Variants in ANKRD27 observed in about 807,000 individuals in gnomAD.
ANKRD27 encodes ankyrin repeat domain-containing protein 27.
Under a neutral mutation model 129.7 loss-of-function variants are expected in ANKRD27, and 112 were observed. The observed-to-expected ratio is 0.86, with a 90% CI of 0.74 to 1.01. The LOEUF (loss-of-function observed/expected upper bound fraction) is 1.01, where lower values mean the gene tolerates loss of function less well. Ranked by LOEUF, ANKRD27 falls within the 50% of genes least tolerant of loss-of-function variation. The pLI is 0.00. For missense variants in ANKRD27, 1,258 were observed against 1,300.5 expected (o/e 0.97, Z 0.50); for synonymous variants, 516 against 511.2 (o/e 1.01, Z -0.13).
chr19:32,640,179 G>A (rs1967169719), intron 11 of ANKRD27, 128 bp downstream of exon 11: 2 of 603,490 alleles, frequency 3.3e-6, no homozygotes, highest in Non-Finnish European at 6.1e-6. Context: ...TAGCCAGGAT[G>A]GTCTCGATCT....
chr19:32,631,206 C>T (rs935476627), intron 13 of ANKRD27, among the ~76,000 whole-genome samples, 196 bp downstream of exon 13: 7 of 151,918 alleles, frequency 4.6e-5, no homozygotes, highest in South Asian at 2.1e-4. Context: ...TTAGTAGAGG[C>T]GGCTGTTGCA....
chr19:32,622,834 G>C (rs1409202622), intron 17 of ANKRD27, among the ~76,000 whole-genome samples: 1 of 151,764 alleles, frequency 6.6e-6, no homozygotes. Flanking sequence ...TTGCAGTGCA[G>C]TGATGCAATA....
chr19:32,615,235 C>T (rs980606619), intron 22 of ANKRD27, among the ~76,000 whole-genome samples: 2 of 152,220 alleles, frequency 1.3e-5, no homozygotes, highest in African/African-American at 4.8e-5. Flanking sequence ...TATTCACAGA[C>T]ATGCAGTACA....
intron 17 of ANKRD27, among the ~76,000 whole-genome samples, chr19:32,624,747 C>T (rs1030592060): frequency 6.6e-5 from 10 of 151,886 alleles, no homozygotes; most frequent in Non-Finnish European, 1.5e-5. Context: ...GTAAGACCAG[C>T]CTGGGCAACA....
At chr19:32,649,257 G>A (rs1200516443) in intron 3 of ANKRD27, among the ~76,000 whole-genome samples, 4 of 152,108 alleles carry the variant, frequency 2.6e-5, no homozygotes, top group African/African-American at 4.8e-5. Context: ...ATAGGCGTAG[G>A]CCACCATGTC....
At position 32,640,384 on chromosome 19, in the gene ANKRD27, C is replaced by T. The variant is rs759251387; in HGVS notation, c.906G>A (p.Val302=). Residue 302 remains valine, a splice_region_variant and synonymous_variant, in exon 11 of 29, where the codon GTG becomes GTA. Transcript: ENST00000306065. ...QLITQSPSQR[V]NLETMCADDL... ...CATCAGCACACATGGTCTCCAGGTT[C>T]ACTGCAAAGGGGAAACACACATTCA... 2 of 1,613,740 alleles carry T rather than the reference C, an allele frequency of 1.2e-6. No homozygotes were observed. Among genetic ancestry groups the T allele is most frequent in the Admixed American group, 3.3e-5 (2 of 60,012 alleles).
chr19:32,638,987 G>A (rs879079769), intron 12 of ANKRD27: 5 of 367,816 alleles, frequency 1.4e-5, no homozygotes, highest in Non-Finnish European at 2.4e-5. Context: ...CAGCCACAGA[G>A]GTTTCCGGCT....
At chr19:32,600,490 G>A (rs1971635666) in intron 26 of ANKRD27, among the ~76,000 whole-genome samples, 2 of 152,076 alleles carry the variant, frequency 1.3e-5, no homozygotes, top group South Asian at 2.1e-4. Context: ...GCAGTGAGCC[G>A]AGATTGCACC....
rs1375061260 is a variant in ANKRD27 at position 32,616,004 on chromosome 19, G to A, written c.2053-224C>T. 2.0e-5 allele frequency among the ~76,000 whole-genome samples: 3 copies of A among 152,114 alleles called. No individual in the cohort carries two copies. In the East Asian group the frequency reaches 5.8e-4, roughly 29 times the overall value. ...TTTCTTCTATCATAAAAAAGGACAGGAAGATTGGTGCTGCCTCAGGGTGAT... is the reference window on the plus strand; with the variant it reads ...TTTCTTCTATCATAAAAAAGGACAGAAAGATTGGTGCTGCCTCAGGGTGAT... On this transcript the variant is annotated intron_variant, in intron 21 of 28. Coordinates refer to ENST00000306065, the MANE Select transcript of ANKRD27 (RefSeq NM_032139.3).
intron 24 of ANKRD27, among the ~76,000 whole-genome samples, chr19:32,604,700 T>C (rs1971705677): frequency 6.6e-6 from 1 of 152,176 alleles, no homozygotes; most frequent in African/African-American, 2.4e-5. Context: ...TCCATAGTTA[T>C]GCAACCATTA....
Position 32,615,754 on chromosome 19 carries a change from C to T in ANKRD27, c.2079G>A (p.Glu693=). Residue 693 remains glutamate, a synonymous_variant, in exon 22 of 29, where the codon GAG becomes GAA. Coordinates refer to ENST00000306065, the MANE Select transcript of ANKRD27 (RefSeq NM_032139.3). ...EMVRYLLEWT[E]EDLEDAEDTV... ...TGTCCTCCGCATCCTCCAGGTCCTCCTCTGTCCATTCCAACAGGTAACGCA... is the reference window on the plus strand; with the variant it reads ...TGTCCTCCGCATCCTCCAGGTCCTCTTCTGTCCATTCCAACAGGTAACGCA... 1 of 1,614,038 alleles carries T rather than the reference C, an allele frequency of 6.2e-7. No individual in the cohort carries two copies. The highest frequency in any genetic ancestry group is 1.1e-5 in the South Asian group (1 of 91,072).
At chr19:32,611,891 T>G (rs1971841196) in intron 22 of ANKRD27, among the ~76,000 whole-genome samples, 1 of 152,104 alleles carries the variant, frequency 6.6e-6, no homozygotes, top group Non-Finnish European at 1.5e-5. Flanking sequence ...AAATTCATTT[T>G]CTATTTTCTA....
chr19:32,624,402 G>GGGACTGACCTAGAGGATCTCTGTAACGT (rs1313347371), intron 17 of ANKRD27, among the ~76,000 whole-genome samples: 2 of 151,564 alleles, frequency 1.3e-5, no homozygotes, highest in Non-Finnish European at 2.9e-5. Context: ...TAGATCAACA[G>GGGACTGACCTAGAGGATCTCTGTAACGT]GGACTGACCT....
At chr19:32,617,732 G>T (rs962096806) in intron 20 of ANKRD27, 99 bp from the exon 21 acceptor site, 1 of 541,126 alleles carries the variant, frequency 1.8e-6, no homozygotes, top group Non-Finnish European at 3.4e-6. Context: ...CTTGATTTGT[G>T]GACTTTTAAC....
chr19:32,670,633 C>A (rs779500765), intron 1 of ANKRD27, among the ~76,000 whole-genome samples: 105 of 152,294 alleles, frequency 6.9e-4, no homozygotes, highest in Middle Eastern at 3.4e-3. Flanking sequence ...AAGATCATGA[C>A]ACTGCACTCC....
intron 23 of ANKRD27, 132 bp downstream of exon 23, chr19:32,607,503 T>C (rs1971761982): frequency 8.8e-7 from 1 of 1,141,970 alleles, no homozygotes; most frequent in South Asian, 1.4e-5. Context: ...CGTGTGCACC[T>C]CAGAATCTCA....
At chr19:32,624,632 C>T (rs1338542999) in intron 17 of ANKRD27, among the ~76,000 whole-genome samples, 1 of 152,162 alleles carries the variant, frequency 6.6e-6, no homozygotes, top group Non-Finnish European at 1.5e-5. Flanking sequence ...GGAAATTACG[C>T]AATTCTTGGA....
intron 2 of ANKRD27, among the ~76,000 whole-genome samples, chr19:32,654,169 G>T (rs1967475900): frequency 6.6e-6 from 1 of 152,108 alleles, no homozygotes. Flanking sequence ...CAAAGTGCTG[G>T]GATTACAGGC....
Position 32,606,050 on chromosome 19 carries a change from A to T in ANKRD27, c.2374-96T>A, listed in dbSNP as rs1971729843. The T allele has an allele frequency of 4.3e-5, 46 of 1,066,518 alleles. 1 individual carries two copies. The South Asian group carries it at 8.5e-4, about 20-fold the overall frequency. 66.1% of individuals were successfully genotyped at this position (1,066,518 alleles called of 1,614,324 possible). ...AAAAATAAATAAATAAATAAATAAAATAAGAAAACAAAGTTTCTGGAGAGA... is the reference window on the plus strand; with the variant it reads ...AAAAATAAATAAATAAATAAATAAATTAAGAAAACAAAGTTTCTGGAGAGA... On this transcript the variant is annotated intron_variant, in intron 23 of 28. Coordinates refer to ENST00000306065, the MANE Select transcript of ANKRD27 (RefSeq NM_032139.3).
Sources: allele counts gnomAD v4.1 joint callset (sites outside exome capture counted in the v4.1 genomes callset), GRCh38; gene constraint gnomAD v4.1.1; transcripts MANE v1.5; gene names NCBI Gene and HGNC (gene_info 2026-07-23, HGNC 2026-07-21).